Variants in TMEM135 observed in about 807,000 individuals in gnomAD.
TMEM135 encodes the protein transmembrane protein 135, also known as peroxisomal membrane protein 52.
In TMEM135, 30 loss-of-function variants were observed where a neutral mutation model predicts 60.3. That is an observed-to-expected ratio of 0.50 (90% confidence interval 0.37 to 0.68). The LOEUF is 0.68. Ranked by LOEUF, TMEM135 falls within the 30% of genes least tolerant of loss-of-function variation. TMEM135 has a pLI of 0.00. For synonymous variants in TMEM135, 190 were observed against 186.7 expected, an observed-to-expected ratio of 1.02 and a Z score of -0.14; for missense variants, 468 against 548.8, an observed-to-expected ratio of 0.85 and a Z score of 1.47.
chr11:87,181,204 A>G (rs1939505563), intron 5 of TMEM135, among the ~76,000 whole-genome samples: 1 of 152,206 alleles, frequency 6.6e-6, no homozygotes, highest in South Asian at 2.1e-4. Flanking sequence ...GTTCTAGATG[A>G]GTTCAACAGC....
intron 3 of TMEM135, among the ~76,000 whole-genome samples, chr11:87,076,812 T>TGTCTAGAAATGTCATCCAG (rs1275024390): frequency 6.6e-6 from 1 of 152,200 alleles, no homozygotes; most frequent in Non-Finnish European, 1.5e-5. Context: ...GCCCAAGGTA[T>TGTCTAGAAATGTCATCCAG]GTCTAGAAAT....
intron 6 of TMEM135, among the ~76,000 whole-genome samples, chr11:87,254,387 A>G (rs1487172709): frequency 6.6e-6 from 1 of 152,200 alleles, no homozygotes; most frequent in Non-Finnish European, 1.5e-5. Context: ...AATGCCATAT[A>G]TAACAGACCC....
chr11:87,234,841 G>A (rs1181883237), intron 5 of TMEM135, among the ~76,000 whole-genome samples: 1 of 151,918 alleles, frequency 6.6e-6, no homozygotes, highest in African/African-American at 2.4e-5. Flanking sequence ...AGTTTAGTAC[G>A]AACACAGATA....
At chr11:87,096,124 C>G in intron 4 of TMEM135, 1 of 218,944 alleles carries the variant, frequency 4.6e-6, no homozygotes, top group Non-Finnish European at 8.3e-6. Context: ...TAAAGAAAAC[C>G]TACTTGTGCC....
chr11:87,180,155 T>C (rs1236655295), intron 5 of TMEM135, among the ~76,000 whole-genome samples: 10 of 152,122 alleles, frequency 6.6e-5, no homozygotes. Context: ...CTGGTTTTTG[T>C]TTTACTTTTC....
At chr11:87,041,930 T>G (rs905385221) in intron 1 of TMEM135, among the ~76,000 whole-genome samples, 1 of 152,198 alleles carries the variant, frequency 6.6e-6, no homozygotes, top group Non-Finnish European at 1.5e-5. Flanking sequence ...GTCAGATTGT[T>G]GCAGTTGCCA....
At chr11:87,249,408 C>CA (rs149020819) in intron 6 of TMEM135, among the ~76,000 whole-genome samples, 4,258 of 151,912 alleles carry the variant, frequency 0.028, 185 homozygotes, top group African/African-American at 0.094. Flanking sequence ...TTTATCTTTT[C>CA]AAAAAAACCA....
At chr11:87,237,531 T>C (rs1591126923) in intron 6 of TMEM135, among the ~76,000 whole-genome samples, 1 of 152,092 alleles carries the variant, frequency 6.6e-6, no homozygotes, top group Admixed American at 6.6e-5. Context: ...TATATTTCTT[T>C]AAGAATAAAA....
rs200616608 is a variant in TMEM135, at chr11:87,137,360, GA to G, written c.397-19978del. On this transcript the variant is annotated intron_variant, in intron 4 of 14. Coordinates refer to ENST00000305494, the MANE Select transcript of TMEM135 (RefSeq NM_022918.4). The stretch of plus-strand genomic sequence containing the variant: ...GTAAAAGAAGATGAATTATCTAAAT[GA>G]AATCAGCTTTTTGTGAGAAGAGAGG... Among the ~76,000 whole-genome samples the G allele has an allele frequency of 5.8e-3, 884 of 152,118 alleles. 13 individuals are homozygous for G. The highest frequency in any genetic ancestry group is 0.02 in the African/African-American group (844 of 41,538).
At chr11:87,243,348 T>C (rs1941184485) in intron 6 of TMEM135, among the ~76,000 whole-genome samples, 1 of 145,298 alleles carries the variant, frequency 6.9e-6, no homozygotes, top group Non-Finnish European at 1.5e-5. Flanking sequence ...TCTTTTTTGG[T>C]TCCATATGAA....
intron 4 of TMEM135, among the ~76,000 whole-genome samples, chr11:87,103,990 ACC>A (rs367617495): frequency 6.6e-6 from 1 of 151,670 alleles, no homozygotes; most frequent in Non-Finnish European, 1.5e-5. Context: ...TTGGGTTCAT[ACC>A]CCCAAAAAAA....
chr11:87,114,369 G>C (rs1284982581), intron 4 of TMEM135, among the ~76,000 whole-genome samples: 1 of 152,026 alleles, frequency 6.6e-6, no homozygotes, highest in South Asian at 2.1e-4. Context: ...TCTGACTAAA[G>C]AAGTGAAAAA....
At chr11:87,245,046 T>TGA (rs1398638197) in intron 6 of TMEM135, among the ~76,000 whole-genome samples, 1 of 144,010 alleles carries the variant, frequency 6.9e-6, no homozygotes, top group African/African-American at 2.6e-5. Flanking sequence ...TTGTGGTATG[T>TGA]TGTATCTTTG....
chr11:87,192,685 A>G (rs1437865293), intron 5 of TMEM135, among the ~76,000 whole-genome samples: 4 of 152,212 alleles, frequency 2.6e-5, no homozygotes, highest in Non-Finnish European at 5.9e-5. Flanking sequence ...AATTTGATAA[A>G]ACAATTTGAA....
At position 87,321,272 on chromosome 11, in the gene TMEM135, T is replaced by A. The variant is rs1383719442; in HGVS notation, c.1316T>A (p.Ile439Asn). Reference sequence around the variant, plus strand: ...GCATCTAAACACTTTCAGGATTTCATCCCCAGGTTGGATCCAAGATACACA... The same window carrying A: ...GCATCTAAACACTTTCAGGATTTCAACCCCAGGTTGGATCCAAGATACACA... ...TGASKHFQDF[I>N]PRLDPRYTTV... Residue 439 changes from isoleucine to asparagine, a missense_variant, in exon 15 of 15, where the codon ATC (isoleucine) becomes AAC (asparagine). Physicochemically the swap from Ile to Asn is moderately radical, Grantham distance 149. Coordinates refer to ENST00000305494, the MANE Select transcript of TMEM135 (RefSeq NM_022918.4). 6.2e-7 allele frequency: 1 copy of A among 1,613,608 alleles called. No individual in the cohort carries two copies. The highest frequency in any genetic ancestry group is 8.5e-7 in the Non-Finnish European group (1 of 1,179,730).
chr11:87,126,735 AATG>A (rs1471814477), intron 4 of TMEM135, among the ~76,000 whole-genome samples: 6 of 152,102 alleles, frequency 3.9e-5, no homozygotes, highest in African/African-American at 1.2e-4. Flanking sequence ...AAGTATAGCA[AATG>A]CTATAGAAAT....
In TMEM135 at chr11:87,102,696, A is replaced by ATATATATT. The variant is rs1857484658; in HGVS notation, c.396+11308_396+11309insTTATATAT. Among the ~76,000 whole-genome samples, 4 of 80,196 alleles carry ATATATATT rather than the reference A, an allele frequency of 5.0e-5. No individual in the cohort carries two copies. The South Asian group carries it at 1.4e-3, about 28-fold the overall frequency. 52.6% of individuals were successfully genotyped at this position (80,196 alleles called of 152,430 possible). On this transcript the variant is annotated intron_variant, in intron 4 of 14. Coordinates refer to ENST00000305494, the MANE Select transcript of TMEM135 (RefSeq NM_022918.4). ...TTTTGATATATATATGTGTGTGTAT[A>ATATATATT]TATATATGTATATATATGTATATAT... is the stretch of plus-strand genomic sequence containing the variant.
chr11:87,077,329 C>G (rs1478847676), intron 3 of TMEM135, among the ~76,000 whole-genome samples: 1 of 152,180 alleles, frequency 6.6e-6, no homozygotes. Context: ...TAAGCTTATT[C>G]CTTTTTTATT....
At chr11:87,055,621 G>C (rs1008134985) in intron 1 of TMEM135, among the ~76,000 whole-genome samples, 1 of 149,802 alleles carries the variant, frequency 6.7e-6, no homozygotes, top group Non-Finnish European at 1.5e-5. Context: ...ATGGAGTTTC[G>C]CTCTTGTTGC....
Sources: allele counts gnomAD v4.1 joint callset (sites outside exome capture counted in the v4.1 genomes callset), GRCh38; gene constraint gnomAD v4.1.1; transcripts MANE v1.5; gene names NCBI Gene and HGNC (gene_info 2026-07-23, HGNC 2026-07-21).